The following SETBP1 variants were observed in gnomAD, a reference collection of about 807,000 sequenced individuals.
SETBP1 encodes SET binding protein 1, also known as SET-binding protein.
A neutral mutation model predicts 101.0 loss-of-function variants in SETBP1; 9 were observed. The ratio of observed to expected loss-of-function variants is 0.09; its 90% CI spans 0.05 to 0.16. The LOEUF (loss-of-function observed/expected upper bound fraction) is 0.16. Among genes scored for constraint, SETBP1 ranks in the 10% least tolerant of loss-of-function variants. The pLI, the probability that SETBP1 is intolerant of heterozygous loss-of-function variation, is 1.00. For synonymous variants in SETBP1, 818 were observed against 788.5 expected, an observed-to-expected ratio of 1.04 and a Z score of -0.63; for missense variants, 1,858 against 2,033.8, an observed-to-expected ratio of 0.91 and a Z score of 1.66.
At chr18:44,720,294 C>T (rs2069558240) in intron 2 of SETBP1, among the ~76,000 whole-genome samples, 1 of 152,106 alleles carries the variant, frequency 6.6e-6, no homozygotes, top group African/African-American at 2.4e-5. Flanking sequence ...CAGGACATCA[C>T]CATAGAAATA....
chr18:45,052,287 C>A (rs2073735591), intron 5 of SETBP1, among the ~76,000 whole-genome samples: 1 of 152,174 alleles, frequency 6.6e-6, no homozygotes, highest in South Asian at 2.1e-4. Flanking sequence ...TAGAGAGGAG[C>A]AAACAGATGA....
intron 3 of SETBP1, among the ~76,000 whole-genome samples, chr18:44,934,845 C>T (rs2083293685): frequency 6.6e-6 from 1 of 152,178 alleles, no homozygotes; most frequent in African/African-American, 2.4e-5. Flanking sequence ...ACTCCTGCCC[C>T]ATTTCCTCTC....
At chr18:44,762,705 C>T (rs2070682292) in intron 2 of SETBP1, among the ~76,000 whole-genome samples, 1 of 152,190 alleles carries the variant, frequency 6.6e-6, no homozygotes, top group Admixed American at 6.5e-5. Context: ...GGTGAAAAAG[C>T]CAAGTCCTTC....
intron 1 of SETBP1, among the ~76,000 whole-genome samples, chr18:44,682,179 C>T (rs982800127): frequency 2.0e-5 from 3 of 152,230 alleles, no homozygotes; most frequent in Non-Finnish European, 4.4e-5. Context: ...ATCTCTTACC[C>T]TCCTTTAGTA....
intron 3 of SETBP1, among the ~76,000 whole-genome samples, chr18:44,941,731 T>C (rs1049204559): frequency 1.3e-5 from 2 of 152,122 alleles, no homozygotes; most frequent in African/African-American, 4.8e-5. Context: ...TCTTTTGCAA[T>C]GTCCTAGAAT....
intron 5 of SETBP1, among the ~76,000 whole-genome samples, chr18:45,054,480 C>T (rs191356394): frequency 6.6e-6 from 1 of 152,176 alleles, no homozygotes; most frequent in Non-Finnish European, 1.5e-5. Context: ...GCCACCGTGC[C>T]CAGCTGACTA....
chr18:44,781,448 G>A (rs953915359), intron 2 of SETBP1, among the ~76,000 whole-genome samples: 3 of 142,668 alleles, frequency 2.1e-5, no homozygotes, highest in African/African-American at 5.2e-5. Flanking sequence ...TCTTTGCACC[G>A]CTCTCTCTCT....
At chr18:44,868,701 C>T (rs866856430) in intron 2 of SETBP1, among the ~76,000 whole-genome samples, 2 of 112,320 alleles carry the variant, frequency 1.8e-5, no homozygotes, top group Non-Finnish European at 1.8e-5. Context: ...AGAGAGAGGA[C>T]GGAAGGAAGG....
At chr18:44,998,676 G>T (rs972568037) in intron 4 of SETBP1, among the ~76,000 whole-genome samples, 1 of 152,214 alleles carries the variant, frequency 6.6e-6, no homozygotes, top group Non-Finnish European at 1.5e-5. Flanking sequence ...TGTCTGTGCT[G>T]TGGAGCAGTC....
At chr18:44,942,730 T>C (rs1358329761) in intron 3 of SETBP1, among the ~76,000 whole-genome samples, 1 of 152,190 alleles carries the variant, frequency 6.6e-6, no homozygotes, top group Non-Finnish European at 1.5e-5. Context: ...GTCTACTACC[T>C]ATTACTCTAT....
chr18:44,925,011 T>TG (rs57235356), intron 3 of SETBP1, among the ~76,000 whole-genome samples: 35,196 of 113,642 alleles, frequency 0.31, 5,667 homozygotes, highest in East Asian at 0.48. Flanking sequence ...GTGTGAGTTT[T>TG]TTTTTTTTTT....
intron 2 of SETBP1, among the ~76,000 whole-genome samples, chr18:44,746,554 T>C (rs2070252934): frequency 6.6e-6 from 1 of 152,220 alleles, no homozygotes; most frequent in African/African-American, 2.4e-5. Context: ...TCAAATGTGA[T>C]ATTTGGGGAG....
chr18:44,694,793 G>A (rs2068988095), intron 1 of SETBP1, among the ~76,000 whole-genome samples: 2 of 152,112 alleles, frequency 1.3e-5, no homozygotes, highest in Non-Finnish European at 2.9e-5. Context: ...CTCCTGAGGT[G>A]GAAGAAACAC....
chr18:44,801,039 C>A (rs1216678000), intron 2 of SETBP1, among the ~76,000 whole-genome samples: 2 of 152,062 alleles, frequency 1.3e-5, no homozygotes, highest in South Asian at 2.1e-4. Context: ...GGACAAAAAA[C>A]CAAACACTGC....
At chr18:44,829,896 G>A (rs1477140443) in intron 2 of SETBP1, among the ~76,000 whole-genome samples, 2 of 152,078 alleles carry the variant, frequency 1.3e-5, no homozygotes, top group African/African-American at 2.4e-5. Flanking sequence ...TTCTTGTCAG[G>A]GGGAAAATGA....
At chr18:44,884,035 C>T (rs979634788) in intron 3 of SETBP1, among the ~76,000 whole-genome samples, 6 of 152,138 alleles carry the variant, frequency 3.9e-5, no homozygotes, top group Non-Finnish European at 5.9e-5. Context: ...TAGTTTATTT[C>T]GGAGAAATTT....
intron 3 of SETBP1, among the ~76,000 whole-genome samples, chr18:44,938,715 G>A (rs2071017519): frequency 6.6e-6 from 1 of 152,186 alleles, no homozygotes; most frequent in Non-Finnish European, 1.5e-5. Flanking sequence ...CTCCCTGGTG[G>A]CCCAGGTTAG....
At chr18:44,980,843 T>C (rs2072098816) in intron 4 of SETBP1, among the ~76,000 whole-genome samples, 1 of 152,114 alleles carries the variant, frequency 6.6e-6, no homozygotes, top group African/African-American at 2.4e-5. Flanking sequence ...GGAGCCCAGG[T>C]TTGAAAGCAA....
chr18:45,022,307 T>C (rs748500615), intron 4 of SETBP1, among the ~76,000 whole-genome samples: 8 of 152,190 alleles, frequency 5.3e-5, no homozygotes, highest in Non-Finnish European at 8.8e-5. Context: ...ACAAGAATTC[T>C]TGTGTTTCCC....
Sources: gnomAD v4.1 joint callset for allele counts (sites outside exome capture counted in the v4.1 genomes callset) on GRCh38, gnomAD v4.1.1 for gene constraint, MANE v1.5 for transcripts, NCBI Gene and HGNC (gene_info 2026-07-23, HGNC 2026-07-21) for gene names.